Variants in ADCY9 observed in about 807,000 individuals in gnomAD.
ADCY9 encodes the protein adenylate cyclase 9, also known as adenylate cyclase type 9.
ADCY9 carries 50 observed loss-of-function variants against 101.5 expected under a neutral mutation model. That is an observed-to-expected ratio of 0.49 (90% CI 0.39 to 0.62). The LOEUF is 0.62. Ranked by LOEUF, ADCY9 falls within the 20% of genes least tolerant of loss-of-function variation. The pLI is 0.00. For missense variants in ADCY9, 1,662 were observed against 1,800.4 expected, an observed-to-expected ratio of 0.92 and a Z score of 1.39; for synonymous variants, 905 against 769.3, an observed-to-expected ratio of 1.18 and a Z score of -2.92.
In ADCY9 at chr16:3,963,240, C is replaced by G. The variant is rs1210899378; in HGVS notation, c.*2535G>C. 9 of 395,988 alleles carry G rather than the reference C, an allele frequency of 2.3e-5. No homozygotes were observed. The highest frequency in any genetic ancestry group is 3.1e-5 in the Non-Finnish European group (7 of 224,840). 24.5% of individuals were successfully genotyped at this position (395,988 alleles called of 1,614,324 possible). A position where few individuals can be genotyped will look rare whatever the true frequency, so the allele number is the denominator to read the frequency against. On this transcript the variant is annotated 3_prime_UTR_variant, in exon 11 of 11. Transcript: ENST00000294016. ...ACATTCAATGCTGAAGTATTGCTTC[C>G]TGCCCTAAGTTCCTAAGAGGTATTG... is the stretch of plus-strand genomic sequence containing the variant.
chr16:4,062,455 A>T (rs1271959251), intron 2 of ADCY9, among the ~76,000 whole-genome samples: 1 of 152,224 alleles, frequency 6.6e-6, no homozygotes, highest in Non-Finnish European at 1.5e-5. Context: ...TGTCAGATTA[A>T]ATTTTTTAGA....
At chr16:4,023,031 T>A (rs1458202462) in intron 2 of ADCY9, among the ~76,000 whole-genome samples, 1 of 152,150 alleles carries the variant, frequency 6.6e-6, no homozygotes, top group Non-Finnish European at 1.5e-5. Context: ...ATCACATCTC[T>A]ACAACGGTGG....
intron 3 of ADCY9, among the ~76,000 whole-genome samples, chr16:4,003,229 C>T (rs1471297859): frequency 6.6e-6 from 1 of 152,172 alleles, no homozygotes; most frequent in African/African-American, 2.4e-5. Context: ...CAGCAATGCT[C>T]AGCCGCAATC....
In ADCY9 at chr16:3,977,614, C is replaced by A. The variant is rs1359591767; in HGVS notation, c.2696G>T (p.Gly899Val). 2 of 1,612,852 alleles carry A rather than the reference C, an allele frequency of 1.2e-6. No individual in the cohort carries two copies. The highest frequency in any genetic ancestry group is 1.7e-5 in the Admixed American group (1 of 59,942). Reference protein sequence around the residue: ...ETNIHFPVFTGSAALIAVVHY... With the variant: ...ETNIHFPVFTVSAALIAVVHY... ...CACGACGGCAATCAGCGCGGCCGAG[C>A]CTGTGAACACTGGGAACTGCAAGAG... The change falls in exon 9 of 11, where the codon GGC (glycine) becomes GTC (valine). Residue 899 changes from glycine (G) to valine (V), a missense_variant. Physicochemically the swap from Gly to Val is moderately radical, Grantham distance 109. Transcript: ENST00000294016.
chr16:4,044,998 G>C (rs930830189), intron 2 of ADCY9, among the ~76,000 whole-genome samples: 1 of 152,184 alleles, frequency 6.6e-6, no homozygotes, highest in Non-Finnish European at 1.5e-5. Flanking sequence ...AGACAAGCAT[G>C]CAAGAAATAT....
chr16:3,984,869 T>C (rs1192242766), intron 6 of ADCY9, among the ~76,000 whole-genome samples: 1 of 152,160 alleles, frequency 6.6e-6, no homozygotes, highest in Admixed American at 6.5e-5. Flanking sequence ...TGTGCGTTCT[T>C]TGGGACAAAC....
Position 4,114,984 on chromosome 16 carries a change from G to A in ADCY9, c.459C>T (p.Leu153=), listed in dbSNP as rs1231741030. The A allele has an allele frequency of 1.1e-5, 17 of 1,613,962 alleles. No individual in the cohort carries two copies. Among genetic ancestry groups the A allele is most frequent in the Non-Finnish European group, 1.4e-5 (17 of 1,180,040 alleles). ...IVMVAPALCF[L]LVCVGFFLFT... Reference sequence around the variant, plus strand: ...ACAGAAAGAAGCCCACACACACCAGGAGGAAGCACAGCGCGGGGGCGACCA... The same window carrying A: ...ACAGAAAGAAGCCCACACACACCAGAAGGAAGCACAGCGCGGGGGCGACCA... Residue 153 remains leucine (L), a synonymous_variant, in exon 2 of 11, where the codon CTC becomes CTT. Transcript: ENST00000294016. This position sits in a 1 kb window ranked among gnomAD's most constrained non-coding sequence, Gnocchi z 4.3.
chr16:4,063,641 G>A (rs2056784687), intron 2 of ADCY9, among the ~76,000 whole-genome samples: 1 of 151,886 alleles, frequency 6.6e-6, no homozygotes, highest in Admixed American at 6.6e-5. Context: ...GAGCCTGGAA[G>A]GTGGAAGCTG....
chr16:4,088,871 G>T (rs2056955889), intron 2 of ADCY9, among the ~76,000 whole-genome samples: 1 of 151,740 alleles, frequency 6.6e-6, no homozygotes, highest in Admixed American at 6.6e-5. Flanking sequence ...TATAATTCAG[G>T]GAGGTTTCGC....
intron 9 of ADCY9, among the ~76,000 whole-genome samples, chr16:3,976,988 GACTTGC>G (rs1452347978): frequency 1.3e-5 from 2 of 152,114 alleles, no homozygotes; most frequent in Non-Finnish European, 2.9e-5. Flanking sequence ...AGCCCCAGGT[GACTTGC>G]AAGATCATCC....
chr16:4,012,711 C>T (rs1231555983), intron 2 of ADCY9, among the ~76,000 whole-genome samples: 1 of 152,130 alleles, frequency 6.6e-6, no homozygotes, highest in East Asian at 1.9e-4. Flanking sequence ...ACGCAGTTAA[C>T]GTTCTTAAGT....
downstream of ADCY9, among the ~76,000 whole-genome samples, chr16:3,961,458 A>T (rs1362870344): frequency 2.0e-5 from 3 of 151,784 alleles, no homozygotes. Context: ...CAAAAAAAAA[A>T]AAACCGAACA....
chr16:4,024,695 T>C (rs1297657474), intron 2 of ADCY9, among the ~76,000 whole-genome samples: 1 of 151,956 alleles, frequency 6.6e-6, no homozygotes, highest in Non-Finnish European at 1.5e-5. Flanking sequence ...TTAGGTCAGG[T>C]TCATGATTTA....
intron 2 of ADCY9, among the ~76,000 whole-genome samples, chr16:4,044,780 G>C (rs1487693619): frequency 3.4e-4 from 51 of 152,118 alleles, no homozygotes; most frequent in Admixed American, 3.1e-3. Flanking sequence ...CTAAATCCCA[G>C]CAATTTTTCA....
Position 3,966,800 on chromosome 16 carries a change from C to T in ADCY9, c.3037G>A (p.Glu1013Lys). 6.2e-7 allele frequency: 1 copy of T among 1,614,206 alleles called. No individual in the cohort carries two copies. Among genetic ancestry groups the T allele is most frequent in the Non-Finnish European group, 8.5e-7 (1 of 1,180,038 alleles). The change falls in exon 11 of 11, where the codon GAA (glutamate) becomes AAA (lysine). Residue 1013 changes from glutamate to lysine, a missense_variant. This residue lies in a region of ADCY9 where 624 missense variants were observed against 639.1 expected (regional missense o/e 0.98). Transcript: ENST00000294016. ...ATCTTGGTGCGGTGAAGATCCGCTT[C>T]CACGTCTCCGTGGTAGTGGAGGCGG... ...SYRLHYHGDV[E>K]ADLHRTKIQS...
chr16:3,976,620 G>A (rs971936188), intron 9 of ADCY9, among the ~76,000 whole-genome samples: 4 of 152,106 alleles, frequency 2.6e-5, no homozygotes, highest in African/African-American at 4.8e-5. Flanking sequence ...TTAATCCTAC[G>A]TCTCATGACA....
In ADCY9 at chr16:3,966,938, C is replaced by G. The variant is rs748391119; in HGVS notation, c.2899G>C (p.Val967Leu). ...GCGGGCCGCCGGAGGTCACGCGGCA[C>G]CGAACTATTGCACGGGTTCCTCTCG... The part of the protein sequence containing the change: ...SSERNPCNSS[V>L]PRDLRRPASL... The change falls in exon 11 of 11, where the codon GTG (valine) becomes CTG (leucine). Residue 967 changes from valine to leucine, a missense_variant. Val to Leu is a conservative substitution (Grantham distance 32). Transcript: ENST00000294016. The G allele has an allele frequency of 6.2e-7, 1 of 1,613,530 alleles. No individual in the cohort carries two copies. The highest frequency in any genetic ancestry group is 2.2e-5 in the East Asian group (1 of 44,882).
At chr16:4,056,130 T>G (rs2056736252) in intron 2 of ADCY9, among the ~76,000 whole-genome samples, 1 of 152,236 alleles carries the variant, frequency 6.6e-6, no homozygotes. Context: ...TATAGAAAAT[T>G]CTGTGACATC....
At chr16:4,110,479 T>A (rs2057107059) in intron 2 of ADCY9, among the ~76,000 whole-genome samples, 1 of 133,102 alleles carries the variant, frequency 7.5e-6, no homozygotes, top group Non-Finnish European at 1.5e-5. Flanking sequence ...AACCTCCACC[T>A]CCTGGGTTCA....
Sources: gnomAD v4.1 joint callset for allele counts (sites outside exome capture counted in the v4.1 genomes callset) on GRCh38, gnomAD v4.1.1 for gene constraint, gnomAD v4.1.1 regional missense constraint, Gnocchi (gnomAD v3.1) non-coding constraint, MANE v1.5 for transcripts, NCBI Gene and HGNC (gene_info 2026-07-23, HGNC 2026-07-21) for gene names.